The following ZSCAN5A variants were observed in gnomAD, a reference collection of about 807,000 sequenced individuals.
ZSCAN5A encodes zinc finger and SCAN domain-containing protein 5A.
ZSCAN5A carries 12 observed loss-of-function variants against 23.7 expected under a neutral mutation model. The ratio of observed to expected loss-of-function variants is 0.51; its 90% CI spans 0.32 to 0.82. The LOEUF is 0.82. Among genes scored for constraint, ZSCAN5A ranks in the 40% least tolerant of loss-of-function variants. The pLI is 0.03. For missense variants in ZSCAN5A, 597 were observed against 617.9 expected, an observed-to-expected ratio of 0.97 and a Z score of 0.36; for synonymous variants, 257 against 239.9, an observed-to-expected ratio of 1.07 and a Z score of -0.66.
At chr19:56,255,344 G>A (rs1378561816) in intron 2 of ZSCAN5A, among the ~76,000 whole-genome samples, 1 of 152,128 alleles carries the variant, frequency 6.6e-6, no homozygotes, top group East Asian at 1.9e-4. Context: ...TGGGGAGTGG[G>A]GAGGGAAGCT....
At chr19:56,342,688 G>A (rs1424887940) in intron 2 of ZSCAN5A, 1 of 610,606 alleles carries the variant, frequency 1.6e-6, no homozygotes, top group Non-Finnish European at 3.0e-6. Context: ...GGGTGAACAT[G>A]AAGTAACTAT....
intron 2 of ZSCAN5A, among the ~76,000 whole-genome samples, chr19:56,279,747 A>G (rs2038543331): frequency 6.6e-6 from 1 of 152,162 alleles, no homozygotes; most frequent in Non-Finnish European, 1.5e-5. Flanking sequence ...GTTCCTTCCT[A>G]TCTTCAAAAG....
At chr19:56,230,028 A>G (rs1342353869) in intron 2 of ZSCAN5A, among the ~76,000 whole-genome samples, 1 of 152,098 alleles carries the variant, frequency 6.6e-6, no homozygotes, top group African/African-American at 2.4e-5. Flanking sequence ...GTTTGCAAAG[A>G]GAGACAATTC....
chr19:56,325,108 C>T (rs943642427), intron 2 of ZSCAN5A, among the ~76,000 whole-genome samples: 2 of 152,222 alleles, frequency 1.3e-5, no homozygotes, highest in South Asian at 4.1e-4. Context: ...GTGAATCCTC[C>T]ATAGTCTGGT....
chr19:56,322,342 C>T (rs187965368), intron 2 of ZSCAN5A: 29 of 798,542 alleles, frequency 3.6e-5, no homozygotes, highest in South Asian at 2.1e-4. Flanking sequence ...CATTGTCTGC[C>T]GCCAGATCTG....
At chr19:56,364,240 G>A (rs1306633367) in intron 1 of ZSCAN5A, among the ~76,000 whole-genome samples, 2 of 152,236 alleles carry the variant, frequency 1.3e-5, no homozygotes, top group African/African-American at 4.8e-5. Context: ...TTAAAGCTCA[G>A]TGGTCCTCTG....
chr19:56,251,287 G>C (rs1359245492), intron 2 of ZSCAN5A, among the ~76,000 whole-genome samples: 1 of 152,090 alleles, frequency 6.6e-6, no homozygotes, highest in Non-Finnish European at 1.5e-5. Context: ...TTTTTGAATG[G>C]GGGATGTCTA....
Position 56,351,092 on chromosome 19 carries a change from G to T in ZSCAN5A, c.-358+12143C>A, listed in dbSNP as rs901031747. On this transcript the variant is annotated intron_variant, in intron 2 of 6. Transcript: ENST00000587340. This position sits in a 1 kb window ranked among gnomAD's most constrained non-coding sequence, Gnocchi z 4.8. ...TTAGGTTTACTTCTCTTTGAGGGGG[G>T]GATATTACAGGAGTTATTAAGAAAT... is the stretch of plus-strand genomic sequence containing the variant. Among the ~76,000 whole-genome samples, 5 of 151,808 alleles carry T rather than the reference G, an allele frequency of 3.3e-5. No homozygotes were observed. The highest frequency in any genetic ancestry group is 4.8e-5 in the African/African-American group (2 of 41,328).
chr19:56,287,240 G>A (rs1278126077), intron 2 of ZSCAN5A, among the ~76,000 whole-genome samples: 1 of 152,218 alleles, frequency 6.6e-6, no homozygotes, highest in Non-Finnish European at 1.5e-5. Flanking sequence ...CCTGGAAGTA[G>A]AACTCTCCTC....
rs371933795 is a variant in ZSCAN5A, at chr19:56,351,735, GCT to G, written c.-358+11498_-358+11499del. 4.9e-4 allele frequency among the ~76,000 whole-genome samples: 74 copies of G among 152,288 alleles called. 1 individual carries two copies. Among genetic ancestry groups the G allele is most frequent in the African/African-American group, 1.6e-3 (67 of 41,566 alleles). On this transcript the variant is annotated intron_variant, in intron 2 of 6. Coordinates refer to the ZSCAN5A transcript ENST00000587340. The surrounding 1 kb of genome is among the most constrained non-coding windows in gnomAD (Gnocchi z 4.8). ...AGCTGTATCAAAATGAACTTGGGCT[GCT>G]CTGTCCCAATGTCTCCATCCTTTGC...
chr19:56,281,769 AAG>A, intron 2 of ZSCAN5A: 1 of 925,412 alleles, frequency 1.1e-6, no homozygotes, highest in Middle Eastern at 5.5e-4. Flanking sequence ...AAGGGAATGA[AAG>A]AGAGAGGCAA....
intron 2 of ZSCAN5A, among the ~76,000 whole-genome samples, chr19:56,243,697 T>C (rs750932062): frequency 1.3e-5 from 2 of 152,210 alleles, no homozygotes; most frequent in Non-Finnish European, 2.9e-5. Flanking sequence ...ATTTCACTTC[T>C]GCACAATGAT....
At chr19:56,297,481 TCTC>T (rs752598764) in intron 2 of ZSCAN5A, 5 of 979,104 alleles carry the variant, frequency 5.1e-6, no homozygotes, top group East Asian at 1.1e-4. Flanking sequence ...TGCTTCTTTT[TCTC>T]CTCCATCTCT....
chr19:56,253,267 CAA>C (rs60969244), intron 2 of ZSCAN5A, among the ~76,000 whole-genome samples: 2,353 of 109,012 alleles, frequency 0.022, 64 homozygotes, highest in African/African-American at 0.064. Context: ...GAGGCTGTCT[CAA>C]AAAAAAAAAA....
At chr19:56,359,147 T>TG (rs1462456971) in intron 2 of ZSCAN5A, among the ~76,000 whole-genome samples, 2 of 150,710 alleles carry the variant, frequency 1.3e-5, no homozygotes, top group African/African-American at 2.4e-5. Flanking sequence ...GCTGGTTCTT[T>TG]GAAAAAAAAA....
chr19:56,361,225 A>G (rs1283758084), intron 2 of ZSCAN5A, among the ~76,000 whole-genome samples: 1 of 152,246 alleles, frequency 6.6e-6, no homozygotes, highest in East Asian at 1.9e-4. Flanking sequence ...GCGAGGTTGC[A>G]GAGAAATAGG....
intron 2 of ZSCAN5A, among the ~76,000 whole-genome samples, chr19:56,267,841 AGTC>A (rs2037579640): frequency 6.6e-6 from 1 of 152,216 alleles, no homozygotes; most frequent in Non-Finnish European, 1.5e-5. Context: ...TCTGGGATGT[AGTC>A]AGTGCTAGAA....
chr19:56,259,690 T>C (rs2036979047), intron 2 of ZSCAN5A, among the ~76,000 whole-genome samples: 1 of 152,236 alleles, frequency 6.6e-6, no homozygotes, highest in South Asian at 2.1e-4. Flanking sequence ...AATGAAAAAG[T>C]TGACCGGGCA....
chr19:56,252,562 G>A (rs2036420114), intron 2 of ZSCAN5A, among the ~76,000 whole-genome samples: 1 of 152,180 alleles, frequency 6.6e-6, no homozygotes, highest in Non-Finnish European at 1.5e-5. Flanking sequence ...CACAGCCAGG[G>A]GTACTGCACA....
Sources: allele counts gnomAD v4.1 joint callset (sites outside exome capture counted in the v4.1 genomes callset), GRCh38; gene constraint gnomAD v4.1.1; non-coding constraint Gnocchi (gnomAD v3.1); transcripts MANE v1.5; gene names NCBI Gene and HGNC (gene_info 2026-07-23, HGNC 2026-07-21).